Variants in EXOSC7 observed in about 807,000 individuals in gnomAD.
EXOSC7 encodes the protein exosome component 7, also known as exosome complex component RRP42.
EXOSC7 carries 25 observed loss-of-function variants against 34.3 expected under a neutral mutation model. The observed-to-expected ratio is 0.73, with a 90% CI of 0.53 to 1.02. EXOSC7 has a LOEUF of 1.02. Among genes scored for constraint, EXOSC7 ranks in the 50% least tolerant of loss-of-function variants. EXOSC7 has a pLI of 0.00. For missense variants in EXOSC7, 370 were observed against 368.5 expected, an observed-to-expected ratio of 1.00 and a Z score of -0.03; for synonymous variants, 130 against 143.0, an observed-to-expected ratio of 0.91 and a Z score of 0.65.
At chr3:45,005,956 C>A (rs370509089) in intron 6 of EXOSC7, among the ~76,000 whole-genome samples, 2 of 151,304 alleles carry the variant, frequency 1.3e-5, no homozygotes, top group Non-Finnish European at 2.9e-5. Context: ...ACTCAGGATT[C>A]ATTATCTCAA....
chr3:44,979,079 T>C (rs527494409), intron 1 of EXOSC7, among the ~76,000 whole-genome samples: 1 of 152,304 alleles, frequency 6.6e-6, no homozygotes, highest in East Asian at 1.9e-4. Context: ...TGCAGAGTAA[T>C]GGGCTTCAAA....
chr3:44,992,286 T>C (rs1166637127), intron 3 of EXOSC7, among the ~76,000 whole-genome samples: 2 of 152,196 alleles, frequency 1.3e-5, no homozygotes, highest in Non-Finnish European at 2.9e-5. Context: ...GTGGTGGTGA[T>C]GGTGGTGAGG....
rs1007327167 is a variant in EXOSC7 at position 44,991,280 on chromosome 3, C to T, written c.254+1636C>T. On this transcript the variant is annotated intron_variant, in intron 3 of 7. Transcript: ENST00000265564. Reference sequence around the variant, plus strand: ...CGTCTCTCCTGGTTCTGCTCATCTTCTCTCACCAGCCTGAGTTGTCCCATG... The same window carrying T: ...CGTCTCTCCTGGTTCTGCTCATCTTTTCTCACCAGCCTGAGTTGTCCCATG... Among the ~76,000 whole-genome samples the T allele has an allele frequency of 2.0e-5, 3 of 152,180 alleles. No homozygotes were observed. The South Asian group carries it at 6.2e-4, about 32-fold the overall frequency.
At chr3:44,987,171 G>A (rs933131823) in intron 1 of EXOSC7, among the ~76,000 whole-genome samples, 2 of 151,432 alleles carry the variant, frequency 1.3e-5, no homozygotes, top group Non-Finnish European at 2.9e-5. Context: ...AAAAATTCAT[G>A]TATTTGCTTA....
chr3:44,992,154 A>G (rs1340376578), intron 3 of EXOSC7, among the ~76,000 whole-genome samples: 2 of 152,176 alleles, frequency 1.3e-5, no homozygotes, highest in Non-Finnish European at 2.9e-5. Context: ...TAAGGGTGCC[A>G]CACACCCACT....
chr3:45,011,999 A>G (rs570078350), downstream of EXOSC7, among the ~76,000 whole-genome samples: 1 of 152,222 alleles, frequency 6.6e-6, no homozygotes. Context: ...TTTTGTCAGC[A>G]TTAAGAAGGC....
chr3:44,989,340 C>T (rs569780502), intron 2 of EXOSC7, 99 bp downstream of exon 2: 5 of 1,015,738 alleles, frequency 4.9e-6, no homozygotes, highest in South Asian at 4.3e-5. Flanking sequence ...GCAAATTGCT[C>T]TTGGGGAAAT....
At chr3:44,988,304 T>C (rs1364259542) in intron 1 of EXOSC7, among the ~76,000 whole-genome samples, 1 of 152,152 alleles carries the variant, frequency 6.6e-6, no homozygotes, top group African/African-American at 2.4e-5. Context: ...GCAAAATAAC[T>C]AATGATAGTA....
intron 3 of EXOSC7, among the ~76,000 whole-genome samples, chr3:44,992,209 G>T (rs1319042493): frequency 4.6e-5 from 7 of 152,200 alleles, no homozygotes; most frequent in African/African-American, 1.4e-4. Context: ...AGAGCTCAAG[G>T]CATTTGCCTA....
intron 7 of EXOSC7, among the ~76,000 whole-genome samples, chr3:45,010,862 AG>A (rs200539850): frequency 0.016 from 2,460 of 152,332 alleles, 32 homozygotes; most frequent in Non-Finnish European, 0.027. Flanking sequence ...GTCTCCCTAT[AG>A]TACAGTGTCA....
intron 7 of EXOSC7, among the ~76,000 whole-genome samples, chr3:45,009,505 C>A (rs932451973): frequency 6.9e-6 from 1 of 145,238 alleles, no homozygotes; most frequent in Non-Finnish European, 1.6e-5. Flanking sequence ...TTGACAGATT[C>A]AGACTTTTTT....
At chr3:44,984,623 G>C (rs1432300250) in intron 1 of EXOSC7, among the ~76,000 whole-genome samples, 1 of 152,210 alleles carries the variant, frequency 6.6e-6, no homozygotes, top group Non-Finnish European at 1.5e-5. Flanking sequence ...TAAGAGCTCT[G>C]ACTTGAGGCT....
Position 45,005,433 on chromosome 3 carries a change from G to A in EXOSC7, c.615+19G>A. 6.2e-7 allele frequency: 1 copy of A among 1,610,416 alleles called. No individual in the cohort carries two copies. Among genetic ancestry groups the A allele is most frequent in the Non-Finnish European group, 8.5e-7 (1 of 1,177,162 alleles). On this transcript the variant is annotated intron_variant, in intron 6 of 7. Coordinates refer to ENST00000265564, the MANE Select transcript of EXOSC7 (RefSeq NM_015004.4). ...GTGCAAGGTATAACTTGTATTTTATGGTTTTTGTCTTCCCTGTGGGTGTGG... is the reference window on the plus strand; with the variant it reads ...GTGCAAGGTATAACTTGTATTTTATAGTTTTTGTCTTCCCTGTGGGTGTGG...
intron 1 of EXOSC7, among the ~76,000 whole-genome samples, chr3:44,986,449 C>T (rs1706418544): frequency 1.3e-5 from 2 of 152,220 alleles, no homozygotes; most frequent in South Asian, 4.1e-4. Context: ...CAAGCACTGC[C>T]CGCAGCCCTG....
At chr3:44,977,673 T>C (rs1402680683) in intron 1 of EXOSC7, among the ~76,000 whole-genome samples, 2 of 152,242 alleles carry the variant, frequency 1.3e-5, no homozygotes, top group African/African-American at 2.4e-5. Context: ...TTCCCTGCTA[T>C]ATTTTTGTAT....
intron 7 of EXOSC7, among the ~76,000 whole-genome samples, chr3:45,008,737 G>A (rs1227542636): frequency 6.6e-6 from 1 of 152,226 alleles, no homozygotes; most frequent in East Asian, 1.9e-4. Context: ...AATTTCTCCA[G>A]ACTTAATGCT....
chr3:44,982,610 T>G (rs574679601), intron 1 of EXOSC7, among the ~76,000 whole-genome samples: 1 of 152,208 alleles, frequency 6.6e-6, no homozygotes, highest in Non-Finnish European at 1.5e-5. Context: ...AAGCATTGTT[T>G]AGGGGTATAG....
rs186967729 is a variant in EXOSC7 at position 45,007,741 on chromosome 3, G to A, written c.771+166G>A. ...CCAGGGGTCTGCTGACCTAATCAAG[G>A]GGGGTTGTGGGGGTGGATACTCTGG... On this transcript the variant is annotated intron_variant, in intron 7 of 7. Transcript: ENST00000265564. Among the ~76,000 whole-genome samples, 23 of 152,288 alleles carry A rather than the reference G, an allele frequency of 1.5e-4. No individual in the cohort carries two copies. The East Asian group carries it at 4.4e-3, about 29-fold the overall frequency.
At chr3:45,009,691 G>GC (rs989918353) in intron 7 of EXOSC7, among the ~76,000 whole-genome samples, 2 of 151,980 alleles carry the variant, frequency 1.3e-5, no homozygotes, top group Non-Finnish European at 2.9e-5. Flanking sequence ...GATTGCAGGT[G>GC]CCCGCCACCA....
Sources: allele counts gnomAD v4.1 joint callset (sites outside exome capture counted in the v4.1 genomes callset), GRCh38; gene constraint gnomAD v4.1.1; transcripts MANE v1.5; gene names NCBI Gene and HGNC (gene_info 2026-07-23, HGNC 2026-07-21).